ENPP1: variants seen among roughly 807,000 people sequenced by gnomAD.
ENPP1 encodes the protein ectonucleotide pyrophosphatase/phosphodiesterase family member 1.
Under a neutral mutation model 122.8 loss-of-function variants are expected in ENPP1, and 73 were observed. The observed-to-expected ratio is 0.59, with a 90% CI of 0.49 to 0.72. ENPP1 has a LOEUF of 0.72. ENPP1 is among the 30% of genes least tolerant of loss of function. The pLI is 0.00. For synonymous variants in ENPP1, 367 were observed against 391.6 expected (o/e 0.94, Z 0.74); for missense variants, 978 against 1,128.1 (o/e 0.87, Z 1.91).
intron 13 of ENPP1, among the ~76,000 whole-genome samples, chr6:131,870,353 T>C (rs66564329): frequency 0.049 from 7,517 of 152,274 alleles, 276 homozygotes; most frequent in African/African-American, 0.1. Flanking sequence ...ATGTGGAACA[T>C]AAACTGCCAA....
chr6:131,838,378 G>A (rs758755300), intron 1 of ENPP1, among the ~76,000 whole-genome samples: 1 of 152,134 alleles, frequency 6.6e-6, no homozygotes, highest in East Asian at 1.9e-4. Context: ...TACTGAGAGA[G>A]TCTGCTATCA....
chr6:131,869,854 TAAA>T (rs757712283), intron 13 of ENPP1, among the ~76,000 whole-genome samples: 64 of 99,052 alleles, frequency 6.5e-4, no homozygotes, highest in African/African-American at 2.1e-3. Flanking sequence ...AGACTTGGTC[TAAA>T]AAAAAAAAAA....
chr6:131,861,956 G>C (rs1031317683), intron 9 of ENPP1, among the ~76,000 whole-genome samples: 1 of 152,028 alleles, frequency 6.6e-6, no homozygotes, highest in African/African-American at 2.4e-5. Flanking sequence ...GTCACCTGAG[G>C]TCAGGAGTTT....
intron 20 of ENPP1, among the ~76,000 whole-genome samples, chr6:131,880,578 AGAAAG>A (rs1293390449): frequency 6.6e-6 from 1 of 151,284 alleles, no homozygotes; most frequent in African/African-American, 2.4e-5. Context: ...AAAAAAAAAA[AGAAAG>A]AAAGAAAGAA....
In ENPP1 at chr6:131,822,604, A is replaced by T. The variant is rs115160071; in HGVS notation, c.240+14329A>T. 9.5e-3 allele frequency among the ~76,000 whole-genome samples: 1,430 copies of T among 151,000 alleles called. 25 individuals carry two copies. The highest frequency in any genetic ancestry group is 0.032 in the African/African-American group (1,308 of 41,238). On this transcript the variant is annotated intron_variant, in intron 1 of 24. Transcript: ENST00000647893. ...TTTTAAAAAAAAAAAAACAAAGATG[A>T]GATCACTTTGTGCATATTATTCTGT...
At chr6:131,882,193 A>T in intron 20 of ENPP1, 152 bp from the exon 21 acceptor site, 1 of 580,738 alleles carries the variant, frequency 1.7e-6, no homozygotes, top group Non-Finnish European at 3.1e-6. Flanking sequence ...GTTAGAAAAA[A>T]AGATGAATAT....
chr6:131,850,129 G>A (rs1781862725), intron 3 of ENPP1, 23 bp downstream of exon 3: 1 of 1,433,358 alleles, frequency 7.0e-7, no homozygotes, highest in Non-Finnish European at 9.9e-7. Flanking sequence ...AGGGAAAAAA[G>A]TGGAGTTATG....
In ENPP1 at chr6:131,818,088, G is replaced by T. The variant is rs183989443; in HGVS notation, c.240+9813G>T. Among the ~76,000 whole-genome samples, 1,046 of 152,022 alleles carry T rather than the reference G, an allele frequency of 6.9e-3. 16 individuals carry two copies. The highest frequency in any genetic ancestry group is 0.024 in the African/African-American group (986 of 41,484). ...CCCTCCTGCTTAGAAAGCTTTTTTTGACGTTAGCAAGCATCTGGGGGATCT... is the reference window on the plus strand; with the variant it reads ...CCCTCCTGCTTAGAAAGCTTTTTTTTACGTTAGCAAGCATCTGGGGGATCT... On this transcript the variant is annotated intron_variant, in intron 1 of 24. Transcript: ENST00000647893.
At position 131,883,746 on chromosome 6, in the gene ENPP1, T is replaced by C. The variant is rs771849709; in HGVS notation, c.2283T>C (p.Asn761=). ...GIYSEALLTT[N]IVPMYQSFQV... is the part of the protein sequence containing the mutation. The stretch of plus-strand genomic sequence containing the variant: ...ATTCTGAAGCTTTGCTTACTACAAA[T>C]ATAGTGCCAATGTACCAGAGTTTTC... Residue 761 remains asparagine (N), a synonymous_variant, in exon 22 of 25, where the codon AAT becomes AAC. Coordinates refer to ENST00000647893, the MANE Select transcript of ENPP1 (RefSeq NM_006208.3). 2 of 1,524,416 alleles carry C rather than the reference T, an allele frequency of 1.3e-6. No homozygotes were observed. The highest frequency in any genetic ancestry group is 3.3e-5 in the Admixed American group (2 of 59,834). The allele number at this position is 1,524,416 out of a possible 1,614,324, so 94.4% of individuals were successfully genotyped here.
At chr6:131,868,338 C>G (rs908039913) in intron 12 of ENPP1, among the ~76,000 whole-genome samples, 1 of 152,092 alleles carries the variant, frequency 6.6e-6, no homozygotes, top group Admixed American at 6.5e-5. Context: ...GCACAATACA[C>G]CAAGAATTTG....
At chr6:131,841,608 C>G (rs1200156515) in intron 1 of ENPP1, among the ~76,000 whole-genome samples, 4 of 152,168 alleles carry the variant, frequency 2.6e-5, no homozygotes, top group African/African-American at 9.7e-5. Flanking sequence ...TTAATTAAAT[C>G]ACAGCTTGCT....
chr6:131,851,286 T>C lies in ENPP1; in HGVS notation c.556+19T>C, dbSNP rs750752918. 3.1e-6 allele frequency: 5 copies of C among 1,614,078 alleles called. No homozygotes were observed. The South Asian group carries it at 4.4e-5, about 14-fold the overall frequency. ...TGTCAAGGTCAGGTGCTCGTTGGGC[T>C]CTGCAGCAGCCTGGTATCTTCCAGC... On this transcript the variant is annotated intron_variant, in intron 4 of 24. Coordinates refer to ENST00000647893, the MANE Select transcript of ENPP1 (RefSeq NM_006208.3).
At chr6:131,865,978 G>T (rs1782084551) in intron 11 of ENPP1, among the ~76,000 whole-genome samples, 1 of 147,852 alleles carries the variant, frequency 6.8e-6, no homozygotes, top group Admixed American at 6.7e-5. Flanking sequence ...CCTGGGCACA[G>T]AGCGGGACTC....
intron 11 of ENPP1, among the ~76,000 whole-genome samples, chr6:131,866,660 A>C (rs1562179418): frequency 6.6e-6 from 1 of 152,160 alleles, no homozygotes; most frequent in South Asian, 2.1e-4. Flanking sequence ...TCTTTCCATC[A>C]AAATCCATCT....
chr6:131,825,059 C>CA (rs371592579), intron 1 of ENPP1, among the ~76,000 whole-genome samples: 16,747 of 142,956 alleles, frequency 0.12, 969 homozygotes, highest in South Asian at 0.21. Flanking sequence ...GACTGTGTCT[C>CA]AAAAAAAAAA....
intron 1 of ENPP1, among the ~76,000 whole-genome samples, chr6:131,813,552 A>G (rs922734279): frequency 3.3e-5 from 5 of 151,608 alleles, no homozygotes; most frequent in Admixed American, 1.3e-4. Context: ...GGGATGTTGT[A>G]AGTTAAGCAT....
Position 131,815,871 on chromosome 6 carries a change from ATTTTTTT to A in ENPP1, c.240+7611_240+7617del, listed in dbSNP as rs750091125. Among the ~76,000 whole-genome samples, 8 of 115,828 alleles carry A rather than the reference ATTTTTTT, an allele frequency of 6.9e-5. No homozygotes were observed. The South Asian group carries it at 1.1e-3, about 16-fold the overall frequency. 76.0% of individuals were successfully genotyped at this position (115,828 alleles called of 152,430 possible). ...AGGCGCACACCACCACACCTGGCTA[ATTTTTTT>A]TTTTTTTTTTTTTTGTATTTTTAGT... On this transcript the variant is annotated intron_variant, in intron 1 of 24. Coordinates refer to ENST00000647893, the MANE Select transcript of ENPP1 (RefSeq NM_006208.3).
chr6:131,811,430 C>CTATATA (rs377274828), intron 1 of ENPP1, among the ~76,000 whole-genome samples: 1 of 141,166 alleles, frequency 7.1e-6, no homozygotes, highest in Non-Finnish European at 1.5e-5. Flanking sequence ...ATATCTATAT[C>CTATATA]TATATATATG....
rs1781303935 is a variant in ENPP1 at position 131,808,201 on chromosome 6, G to A, written c.166G>A (p.Gly56Arg). Residue 56 changes from glycine to arginine, a missense_variant, in exon 1 of 25, where the codon GGG (glycine) becomes AGG (arginine). By Grantham distance (125) the Gly-to-Arg change is moderately radical. This residue lies in a region of ENPP1 where 330 missense variants were observed against 328.5 expected (regional missense o/e 1.00). Coordinates refer to ENST00000647893, the MANE Select transcript of ENPP1 (RefSeq NM_006208.3). The part of the protein sequence containing the change: ...AASLLAPMDV[G>R]EEPLEKAARA... ...GTCCTTGCTGGCCCCTATGGACGTG[G>A]GGGAGGAGCCGCTGGAGAAGGCGGC... is the stretch of plus-strand genomic sequence containing the variant. 6.6e-7 allele frequency: 1 copy of A among 1,510,856 alleles called. No individual in the cohort carries two copies. The highest frequency in any genetic ancestry group is 1.3e-5 in the South Asian group (1 of 79,664). 93.6% of individuals were successfully genotyped at this position (1,510,856 alleles called of 1,614,324 possible).
Sources: gnomAD v4.1 joint callset for allele counts (sites outside exome capture counted in the v4.1 genomes callset) on GRCh38, gnomAD v4.1.1 for gene constraint, gnomAD v4.1.1 regional missense constraint, MANE v1.5 for transcripts, NCBI Gene and HGNC (gene_info 2026-07-23, HGNC 2026-07-21) for gene names.